Variants in ATF2 observed in about 807,000 individuals in gnomAD.
ATF2 encodes activating transcription factor 2.
In ATF2, 24 loss-of-function variants were observed where a neutral mutation model predicts 60.6. The ratio of observed to expected loss-of-function variants is 0.40; its 90% CI spans 0.29 to 0.56. The LOEUF is 0.56. Among genes scored for constraint, ATF2 ranks in the 20% least tolerant of loss-of-function variants. The probability of loss-of-function intolerance (pLI) is 0.54; values close to 1 mark genes in which losing one functional copy is unlikely to be tolerated. For synonymous variants in ATF2, 206 were observed against 215.4 expected, an observed-to-expected ratio of 0.96 and a Z score of 0.38; for missense variants, 433 against 607.7, an observed-to-expected ratio of 0.71 and a Z score of 3.02.
rs774575362 is a variant in ATF2 at position 175,142,714 on chromosome 2, AGAGAGAGTGT to A, written c.-43-6238_-43-6229del. ...GAGAGAGAGAGAGAGAGAGAGAGAGAGAGAGAGTGTGTGTGTGTGTGTGTGTGTGTGTGTG... is the reference window on the plus strand; with the variant it reads ...GAGAGAGAGAGAGAGAGAGAGAGAGAGTGTGTGTGTGTGTGTGTGTGTGTG... On this transcript the variant is annotated intron_variant, in intron 2 of 13. Coordinates refer to ENST00000264110, the MANE Select transcript of ATF2 (RefSeq NM_001880.4). Among the ~76,000 whole-genome samples, 484 of 124,738 alleles carry A rather than the reference AGAGAGAGTGT, an allele frequency of 3.9e-3. 2 individuals carry two copies. Among genetic ancestry groups the A allele is most frequent in the South Asian group, 0.018 (65 of 3,632 alleles). The allele number at this position is 124,738 out of a possible 152,430, so 81.8% of individuals were successfully genotyped here.
chr2:175,098,323 C>T (rs1695082690), intron 10 of ATF2, among the ~76,000 whole-genome samples: 1 of 152,022 alleles, frequency 6.6e-6, no homozygotes, highest in African/African-American at 2.4e-5. Context: ...ATAATCAGAC[C>T]ACAGTATCTC....
chr2:175,136,639 G>A (rs1163031345), intron 2 of ATF2, among the ~76,000 whole-genome samples, 153 bp from the exon 3 acceptor site: 1 of 152,056 alleles, frequency 6.6e-6, no homozygotes, highest in African/African-American at 2.4e-5. Context: ...TACTGCTCTT[G>A]AAATATCAAC....
At chr2:175,159,464 A>G (rs1305930585) in intron 1 of ATF2, among the ~76,000 whole-genome samples, 2 of 152,208 alleles carry the variant, frequency 1.3e-5, no homozygotes, top group Non-Finnish European at 2.9e-5. Flanking sequence ...AATGTTAACA[A>G]GGAAAGCAGC....
chr2:175,133,805 A>G (rs1697923952), intron 3 of ATF2, among the ~76,000 whole-genome samples: 1 of 152,206 alleles, frequency 6.6e-6, no homozygotes, highest in Non-Finnish European at 1.5e-5. Context: ...ACAGGACACA[A>G]AAGGTCCATA....
chr2:175,162,725 G>A (rs1405435379), intron 1 of ATF2, among the ~76,000 whole-genome samples: 1 of 152,080 alleles, frequency 6.6e-6, no homozygotes, highest in African/African-American at 2.4e-5. Context: ...ATATAATTCT[G>A]TAAAAACTGC....
rs796990047 is a variant in ATF2 at position 175,093,536 on chromosome 2, A to T, written c.979-269T>A. 3.3e-4 allele frequency among the ~76,000 whole-genome samples: 50 copies of T among 152,344 alleles called. 1 individual carries two copies. Among genetic ancestry groups the T allele is most frequent in the African/African-American group, 1.1e-3 (47 of 41,588 alleles). On this transcript the variant is annotated intron_variant, in intron 11 of 13. Coordinates refer to ENST00000264110, the MANE Select transcript of ATF2 (RefSeq NM_001880.4). The stretch of plus-strand genomic sequence containing the variant: ...GTATAATATTTTCATTTACATACAA[A>T]TATGAAAAAATTTAAAATACAATAC...
rs2105590152 is a variant in ATF2 at position 175,093,266 on chromosome 2, G to T, written c.980C>A (p.Ala327Asp). 1 of 1,613,644 alleles carries T rather than the reference G, an allele frequency of 6.2e-7. No homozygotes were observed. Among genetic ancestry groups the T allele is most frequent in the East Asian group, 2.2e-5 (1 of 44,868 alleles). ...CTGTGGAGTTGTGTGAGCTGGAGAAGCCTATTATAAACAGAGATGAAAGCC... is the reference window on the plus strand; with the variant it reads ...CTGTGGAGTTGTGTGAGCTGGAGAATCCTATTATAAACAGAGATGAAAGCC... Reference protein sequence around the residue: ...QPATSTTETPASPAHTTPQTQ... With the variant: ...QPATSTTETPDSPAHTTPQTQ... The change falls in exon 12 of 14, where the codon GCT (alanine) becomes GAT (aspartate). Residue 327 changes from alanine to aspartate, a missense_variant and splice_region_variant. Coordinates refer to ENST00000264110, the MANE Select transcript of ATF2 (RefSeq NM_001880.4).
intron 2 of ATF2, among the ~76,000 whole-genome samples, chr2:175,142,720 A>AGAGAGTGTGTGTGT (rs1491359659): frequency 1.4e-5 from 1 of 71,098 alleles, no homozygotes; most frequent in African/African-American, 4.7e-5. Context: ...AGAGAGAGAG[A>AGAGAGTGTGTGTGT]GTGTGTGTGT....
At chr2:175,077,429 T>A (rs973945221) in intron 13 of ATF2, among the ~76,000 whole-genome samples, 6 of 152,172 alleles carry the variant, frequency 3.9e-5, no homozygotes, top group Admixed American at 3.3e-4. Flanking sequence ...GTAAAAGTGT[T>A]CCTATTTCTC....
At chr2:175,088,903 T>G (rs1694351601) in intron 12 of ATF2, among the ~76,000 whole-genome samples, 1 of 152,128 alleles carries the variant, frequency 6.6e-6, no homozygotes, top group Non-Finnish European at 1.5e-5. Context: ...AGTAATTGGC[T>G]GGGTGCAGTT....
intron 1 of ATF2, among the ~76,000 whole-genome samples, chr2:175,155,456 T>C (rs1271319253): frequency 6.6e-6 from 1 of 152,216 alleles, no homozygotes; most frequent in Non-Finnish European, 1.5e-5. Flanking sequence ...TGTTTAGGAA[T>C]TCAGATATAC....
chr2:175,154,426 T>C (rs985163149), intron 1 of ATF2, among the ~76,000 whole-genome samples: 8 of 151,728 alleles, frequency 5.3e-5, no homozygotes, highest in Non-Finnish European at 1.2e-4. Context: ...CAACGCCTTC[T>C]TGAAGAATAC....
chr2:175,152,565 A>G (rs1699383363), intron 1 of ATF2, among the ~76,000 whole-genome samples: 1 of 152,230 alleles, frequency 6.6e-6, no homozygotes, highest in Admixed American at 6.5e-5. Context: ...CTGAGCTTCC[A>G]TTACCAGGTC....
At position 175,118,272 on chromosome 2, in the gene ATF2, A is replaced by G; in HGVS notation, c.297T>C (p.Ala99=). 1 of 1,608,594 alleles carries G rather than the reference A, an allele frequency of 6.2e-7. No individual in the cohort carries two copies. The highest frequency in any genetic ancestry group is 8.5e-7 in the Non-Finnish European group (1 of 1,177,646). Residue 99 remains alanine (A), a synonymous_variant, in exon 6 of 14, where the codon GCT becomes GCC. Transcript: ENST00000264110. ...ATACTTTTTTAATGTCATCTTCTGA[A>G]GCTTTCTTGAATTCATTCTCAAATG... ...ASPFENEFKK[A]SEDDIKKMPL...
intron 12 of ATF2, among the ~76,000 whole-genome samples, chr2:175,088,998 G>A (rs993305538): frequency 1.3e-5 from 2 of 151,934 alleles, no homozygotes; most frequent in Non-Finnish European, 2.9e-5. Context: ...CCTGACCAAC[G>A]TGGAGAAACC....
intron 2 of ATF2, among the ~76,000 whole-genome samples, chr2:175,146,692 A>G (rs1440723446): frequency 1.3e-5 from 2 of 152,238 alleles, no homozygotes; most frequent in Admixed American, 1.3e-4. Context: ...ACTGTTTTAA[A>G]TAGAGTGATG....
intron 13 of ATF2, among the ~76,000 whole-genome samples, chr2:175,077,932 A>G (rs1693464373): frequency 6.6e-6 from 1 of 152,148 alleles, no homozygotes; most frequent in Non-Finnish European, 1.5e-5. Flanking sequence ...GCTGTTTGGC[A>G]ATTCAGTAAT....
chr2:175,114,784 T>C lies in ATF2; in HGVS notation c.532A>G (p.Ser178Gly). ...TGAATAATTACACTTGAGTCAGAACTTGTAAGCAGCACATTGGGAACCTGT... is the reference window on the plus strand; with the variant it reads ...TGAATAATTACACTTGAGTCAGAACCTGTAAGCAGCACATTGGGAACCTGT... ...SLQVPNVLLT[S>G]SDSSVIIQQA... The change falls in exon 8 of 14, where the codon AGT becomes GGT. Residue 178 changes from serine (S) to glycine (G), a missense_variant. Ser to Gly is a moderately conservative substitution (Grantham distance 56, BLOSUM62 0). Transcript: ENST00000264110. 1 of 1,614,028 alleles carries C rather than the reference T, an allele frequency of 6.2e-7. No homozygotes were observed. The highest frequency in any genetic ancestry group is 1.3e-5 in the African/African-American group (1 of 75,032).
chr2:175,136,634 C>T, intron 2 of ATF2, 148 bp from the exon 3 acceptor site: 1 of 581,962 alleles, frequency 1.7e-6, no homozygotes, highest in South Asian at 2.2e-5. Flanking sequence ...TAGAGTACTG[C>T]TCTTGAAATA....
Sources: allele counts gnomAD v4.1 joint callset (sites outside exome capture counted in the v4.1 genomes callset), GRCh38; gene constraint gnomAD v4.1.1; transcripts MANE v1.5; gene names NCBI Gene and HGNC (gene_info 2026-07-23, HGNC 2026-07-21).